Variants in CDH23 observed in about 807,000 individuals in gnomAD.
CDH23 encodes cadherin related 23.
In CDH23, 189 loss-of-function variants were observed where a neutral mutation model predicts 317.1. The observed-to-expected ratio is 0.60, with a 90% CI of 0.53 to 0.67. The LOEUF (loss-of-function observed/expected upper bound fraction) is 0.67. Ranked by LOEUF, CDH23 falls within the 30% of genes least tolerant of loss-of-function variation. The pLI is 0.00. For synonymous variants in CDH23, 1,839 were observed against 1,876.8 expected, an observed-to-expected ratio of 0.98 and a Z score of 0.52; for missense variants, 4,401 against 4,592.4, an observed-to-expected ratio of 0.96 and a Z score of 1.20.
intron 27 of CDH23, among the ~76,000 whole-genome samples, chr10:71,710,304 CT>C (rs1232431987): frequency 6.6e-6 from 1 of 152,236 alleles, no homozygotes; most frequent in Non-Finnish European, 1.5e-5. Flanking sequence ...TAGATCCATT[CT>C]GCCCCAGTGC....
chr10:71,681,306 C>A (rs1312316398), intron 17 of CDH23, among the ~76,000 whole-genome samples: 1 of 152,104 alleles, frequency 6.6e-6, no homozygotes, highest in Non-Finnish European at 1.5e-5. Flanking sequence ...ACCTCCCATG[C>A]CCCCCACTCC....
intron 60 of CDH23, among the ~76,000 whole-genome samples, chr10:71,809,159 T>C (rs1290943188): frequency 2.0e-5 from 3 of 147,764 alleles, no homozygotes; most frequent in Non-Finnish European, 3.0e-5. Context: ...TTTGTTGTTT[T>C]CTTTTTCCTT....
At chr10:71,443,314 C>T (rs1455585232) in intron 2 of CDH23, among the ~76,000 whole-genome samples, 1 of 152,216 alleles carries the variant, frequency 6.6e-6, no homozygotes, top group African/African-American at 2.4e-5. Context: ...CACCCTGATC[C>T]GGTGGGGACC....
At position 71,654,066 on chromosome 10, in the gene CDH23, A is replaced by G. The variant is rs549797882; in HGVS notation, c.1449+7449A>G. Among the ~76,000 whole-genome samples, 7 of 152,314 alleles carry G rather than the reference A, an allele frequency of 4.6e-5. No individual in the cohort carries two copies. The East Asian group carries it at 1.3e-3, about 29-fold the overall frequency. On this transcript the variant is annotated intron_variant, in intron 14 of 69. Coordinates refer to ENST00000224721, the MANE Select transcript of CDH23 (RefSeq NM_022124.6). ...CCCGGGAAGCCAACACACTGAGTCT[A>G]GCCTCAAGGAACAGAACACAGAGAA...
intron 3 of CDH23, among the ~76,000 whole-genome samples, chr10:71,451,782 C>T (rs1218101985): frequency 6.6e-6 from 1 of 152,208 alleles, no homozygotes; most frequent in East Asian, 1.9e-4. Flanking sequence ...ATCACTGTGT[C>T]CCCAGGGCCT....
At chr10:71,813,788 A>C (rs1466730348) in intron 69 of CDH23, among the ~76,000 whole-genome samples, 1 of 152,066 alleles carries the variant, frequency 6.6e-6, no homozygotes, top group Non-Finnish European at 1.5e-5. Context: ...GACGCCTATA[A>C]TCCCAGCTAC....
intron 1 of CDH23, among the ~76,000 whole-genome samples, chr10:71,437,346 T>C (rs1849666085): frequency 1.3e-5 from 2 of 152,198 alleles, no homozygotes; most frequent in South Asian, 4.1e-4. Flanking sequence ...GGCATTGCTT[T>C]TGGGGGCAGG....
chr10:71,741,023 C>A, intron 37 of CDH23, 73 bp downstream of exon 37: 1 of 1,568,524 alleles, frequency 6.4e-7, no homozygotes, highest in Non-Finnish European at 8.8e-7. Context: ...CATGCAGCCC[C>A]TGTTTAAATG....
chr10:71,496,500 A>G (rs1198296732), intron 3 of CDH23, among the ~76,000 whole-genome samples: 1 of 152,194 alleles, frequency 6.6e-6, no homozygotes, highest in African/African-American at 2.4e-5. Flanking sequence ...TGCCCAGTAC[A>G]TCACCTGGCG....
At chr10:71,673,941 C>A (rs1435537505) in intron 14 of CDH23, among the ~76,000 whole-genome samples, 1 of 152,122 alleles carries the variant, frequency 6.6e-6, no homozygotes, top group Non-Finnish European at 1.5e-5. Flanking sequence ...TCAGCATGCA[C>A]CCCCTGAGAA....
At chr10:71,581,695 T>C (rs1253261559) in intron 9 of CDH23, among the ~76,000 whole-genome samples, 2 of 152,228 alleles carry the variant, frequency 1.3e-5, no homozygotes, top group Non-Finnish European at 2.9e-5. Context: ...GGACCTGGCA[T>C]GGGCCCCATC....
intron 14 of CDH23, among the ~76,000 whole-genome samples, chr10:71,648,368 C>T (rs2132602889): frequency 6.6e-6 from 1 of 152,340 alleles, no homozygotes; most frequent in South Asian, 2.1e-4. Context: ...CAGCCAACAG[C>T]CTATGCTTTA....
At chr10:71,509,539 G>A (rs10740382) in intron 3 of CDH23, among the ~76,000 whole-genome samples, 84,909 of 151,892 alleles carry the variant, frequency 0.56, 24,398 homozygotes, top group Non-Finnish European at 0.62. Context: ...ATGGCTGCCC[G>A]CAGTGCCAAT....
At chr10:71,582,717 G>A (rs1175414354) in intron 9 of CDH23, among the ~76,000 whole-genome samples, 2 of 152,202 alleles carry the variant, frequency 1.3e-5, no homozygotes, top group Non-Finnish European at 2.9e-5. Context: ...TCGTAGCTAA[G>A]GCACTGAGCA....
intron 11 of CDH23, among the ~76,000 whole-genome samples, chr10:71,634,364 T>G (rs1862161154): frequency 6.6e-6 from 1 of 152,212 alleles, no homozygotes; most frequent in South Asian, 2.1e-4. Flanking sequence ...TGAAAACACT[T>G]ACACCCCACT....
chr10:71,778,056 G>T, intron 39 of CDH23, 133 bp from the exon 40 acceptor site: 1 of 1,453,092 alleles, frequency 6.9e-7, no homozygotes. Context: ...TGGTGGAGTG[G>T]AGCCTGGGCT....
intron 6 of CDH23, among the ~76,000 whole-genome samples, chr10:71,545,491 G>A (rs1156482491): frequency 8.5e-5 from 13 of 152,198 alleles, no homozygotes; most frequent in Admixed American, 7.8e-4. Context: ...TACCCCCAAA[G>A]AGTCTTTTGC....
intron 52 of CDH23, 131 bp from the exon 53 acceptor site, chr10:71,800,505 G>A: frequency 9.0e-7 from 1 of 1,116,446 alleles, no homozygotes; most frequent in African/African-American, 1.6e-5. Flanking sequence ...GAGCTTGCTG[G>A]GGGCAGAGGT....
intron 3 of CDH23, chr10:71,508,357 G>A (rs1480064657): frequency 6.6e-6 from 1 of 152,190 alleles, no homozygotes; most frequent in Non-Finnish European, 1.5e-5. Context: ...AGAAATGTAG[G>A]CTCTGAGCCC....
Sources: gnomAD v4.1 joint callset for allele counts (sites outside exome capture counted in the v4.1 genomes callset) on GRCh38, gnomAD v4.1.1 for gene constraint, MANE v1.5 for transcripts, NCBI Gene and HGNC (gene_info 2026-07-23, HGNC 2026-07-21) for gene names.